IPO13: variants seen among roughly 807,000 people sequenced by gnomAD.
IPO13 encodes the protein importin-13.
In IPO13, 28 loss-of-function variants were observed where a neutral mutation model predicts 115.5. The observed-to-expected ratio is 0.24, with a 90% CI of 0.18 to 0.33. The LOEUF (loss-of-function observed/expected upper bound fraction) is 0.33. IPO13 is among the 10% of genes least tolerant of loss of function. The probability of loss-of-function intolerance (pLI) is 1.00; values close to 1 mark genes in which losing one functional copy is unlikely to be tolerated. For missense variants in IPO13, 785 were observed against 1,204.6 expected, an observed-to-expected ratio of 0.65 and a Z score of 5.16; for synonymous variants, 414 against 478.9, an observed-to-expected ratio of 0.86 and a Z score of 1.77.
rs1571765832 is a variant in IPO13 at position 43,956,190 on chromosome 1, CT to C, written c.822-123del. 20 of 1,064,440 alleles carry C rather than the reference CT, an allele frequency of 1.9e-5. No homozygotes were observed. The highest frequency in any genetic ancestry group is 5.1e-5 in the East Asian group (2 of 38,934). 65.9% of individuals were successfully genotyped at this position (1,064,440 alleles called of 1,614,324 possible). A position where few individuals can be genotyped will look rare whatever the true frequency, so the allele number is the denominator to read the frequency against. On this transcript the variant is annotated intron_variant, in intron 2 of 19. Coordinates refer to ENST00000372343, the MANE Select transcript of IPO13 (RefSeq NM_014652.4). The surrounding 1 kb of genome is among the most constrained non-coding windows in gnomAD (Gnocchi z 4.7). ...CAAATCTGCCATGTAGACCCTGACC[CT>C]TTTTTTGCTTAGGATTTGATAAGGG...
chr1:43,964,568 G>A (rs1243536249), intron 15 of IPO13, among the ~76,000 whole-genome samples: 1 of 152,168 alleles, frequency 6.6e-6, no homozygotes, highest in Non-Finnish European at 1.5e-5. Context: ...GAGGGAGCTG[G>A]GCTGGCATCG....
At position 43,954,245 on chromosome 1, in the gene IPO13, G is replaced by A. The variant is rs1220477794; in HGVS notation, c.822-2075G>A. On this transcript the variant is annotated intron_variant, in intron 2 of 19. Transcript: ENST00000372343. ...AAAATGCCCATTGTCTGGTGGTGCAGCCCGTGTCAGGGTCAGGAGACTGAA... is the reference window on the plus strand; with the variant it reads ...AAAATGCCCATTGTCTGGTGGTGCAACCCGTGTCAGGGTCAGGAGACTGAA... 5.3e-5 allele frequency among the ~76,000 whole-genome samples: 8 copies of A among 152,188 alleles called. 1 individual carries two copies. The highest frequency in any genetic ancestry group is 5.2e-4 in the Admixed American group (8 of 15,276).
chr1:43,949,296 C>A, intron 1 of IPO13, 121 bp from the exon 2 acceptor site: 1 of 1,068,992 alleles, frequency 9.4e-7, no homozygotes, highest in Non-Finnish European at 1.3e-6. Flanking sequence ...CTGAGCTCTC[C>A]CTGCTCAGCC....
Position 43,966,248 on chromosome 1 carries a change from T to C in IPO13, c.2398-327T>C. On this transcript the variant is annotated intron_variant, in intron 15 of 19. Transcript: ENST00000372343. The surrounding 1 kb of genome is among the most constrained non-coding windows in gnomAD (Gnocchi z 4.1). Reference sequence around the variant, plus strand: ...CAACATGAAGTCACTGCTGGCAACCTAGAGCCTGCGAGACATCTGGCCCTG... The same window carrying C: ...CAACATGAAGTCACTGCTGGCAACCCAGAGCCTGCGAGACATCTGGCCCTG... The C allele has an allele frequency of 2.2e-6, 1 of 454,528 alleles. No homozygotes were observed. Among genetic ancestry groups the C allele is most frequent in the South Asian group, 2.2e-5 (1 of 45,512 alleles). 28.2% of individuals were successfully genotyped at this position (454,528 alleles called of 1,614,324 possible). A position where few individuals can be genotyped will look rare whatever the true frequency, so the allele number is the denominator to read the frequency against.
Position 43,956,559 on chromosome 1 carries a change from G to A in IPO13, c.963-1G>A. Reference sequence around the variant, plus strand: ...GTAGAATGACCTGACTCTCTCCCCAGGGCCTTGCTGGACCAAGTAGAGCAC... The same window carrying A: ...GTAGAATGACCTGACTCTCTCCCCAAGGCCTTGCTGGACCAAGTAGAGCAC... On this transcript the variant is annotated splice_acceptor_variant, in intron 3 of 19. Transcript: ENST00000372343. LOFTEE classifies it high-confidence loss of function. The surrounding 1 kb of genome is among the most constrained non-coding windows in gnomAD (Gnocchi z 4.7). 6.2e-7 allele frequency: 1 copy of A among 1,614,226 alleles called. No homozygotes were observed. The highest frequency in any genetic ancestry group is 8.5e-7 in the Non-Finnish European group (1 of 1,180,030).
chr1:43,952,358 CG>C lies in IPO13; in HGVS notation c.821+2209del. Among the ~76,000 whole-genome samples the C allele has an allele frequency of 6.6e-6, 1 of 152,158 alleles. No homozygotes were observed. Among genetic ancestry groups the C allele is most frequent in the African/African-American group, 2.4e-5 (1 of 41,514 alleles). On this transcript the variant is annotated intron_variant, in intron 2 of 19. Transcript: ENST00000372343. This position sits in a 1 kb window ranked among gnomAD's most constrained non-coding sequence, Gnocchi z 4.7. ...CTAATTTTTGTATTTTTAGTAGAAA[CG>C]GGGTTTTGCCATGTTGGTCAGGCTG...
intron 5 of IPO13, 81 bp from the exon 6 acceptor site, chr1:43,957,114 A>T (rs540395103): frequency 1.4e-4 from 214 of 1,576,932 alleles, no homozygotes; most frequent in Non-Finnish European, 6.7e-5. Context: ...TTGTGGGGGT[A>T]CTGGGGTAGG....
In IPO13 at chr1:43,967,897, G is replaced by T; in HGVS notation, c.*215G>T. ...ACATCCTCTAGCTCCCAGGTTGGAAGAGATACTACTGTAGCCAAGCCACCT... is the reference window on the plus strand; with the variant it reads ...ACATCCTCTAGCTCCCAGGTTGGAATAGATACTACTGTAGCCAAGCCACCT... On this transcript the variant is annotated 3_prime_UTR_variant, in exon 20 of 20. Coordinates refer to ENST00000372343, the MANE Select transcript of IPO13 (RefSeq NM_014652.4). The surrounding 1 kb of genome is among the most constrained non-coding windows in gnomAD (Gnocchi z 6.1). The T allele has an allele frequency of 1.7e-6, 1 of 601,802 alleles. No homozygotes were observed. The highest frequency in any genetic ancestry group is 3.0e-6 in the Non-Finnish European group (1 of 337,886). 37.3% of individuals were successfully genotyped at this position (601,802 alleles called of 1,614,324 possible).
Position 43,961,001 on chromosome 1 carries a change from C to T in IPO13, c.2235C>T (p.Asp745=). The stretch of plus-strand genomic sequence containing the variant: ...CCATCCCCCAGGCCTCTGCTCTTGA[C>T]CTCACTCGACAGGTGGGCCTTCTGG... ...YSTIPQASAL[D]LTRQLVHIFA... The change falls in exon 13 of 20, where the codon GAC becomes GAT. Residue 745 remains aspartate (D), a synonymous_variant. Coordinates refer to ENST00000372343, the MANE Select transcript of IPO13 (RefSeq NM_014652.4). 1 of 1,614,182 alleles carries T rather than the reference C, an allele frequency of 6.2e-7. No homozygotes were observed. The highest frequency in any genetic ancestry group is 8.5e-7 in the Non-Finnish European group (1 of 1,180,008).
Position 43,961,144 on chromosome 1 carries a change from A to G in IPO13, c.2248-22A>G, listed in dbSNP as rs745319418. ...TGGTGAGACTGGGTCTCAGCTGACC[A>G]GCATTCCCTGCTTTCTCGTAGCTGG... On this transcript the variant is annotated intron_variant, in intron 13 of 19. Transcript: ENST00000372343. 71 of 1,611,866 alleles carry G rather than the reference A, an allele frequency of 4.4e-5. No individual in the cohort carries two copies. In the Admixed American group the frequency reaches 1.1e-3, roughly 26 times the overall value.
chr1:43,961,326 G>A (rs1329422256), intron 14 of IPO13, 64 bp downstream of exon 14: 1 of 1,363,908 alleles, frequency 7.3e-7, no homozygotes, highest in African/African-American at 1.4e-5. Flanking sequence ...CCCCAAATGG[G>A]GAGCCAAAGC....
chr1:43,964,377 T>C (rs374982037), intron 15 of IPO13, 56 bp downstream of exon 15: 9 of 1,373,558 alleles, frequency 6.6e-6, no homozygotes, highest in Non-Finnish European at 6.1e-6. Flanking sequence ...CTTTCTCTTA[T>C]GTTGAAATTC....
At position 43,966,399 on chromosome 1, in the gene IPO13, C is replaced by G. The variant is rs2085324873; in HGVS notation, c.2398-176C>G. 4.5e-6 allele frequency: 3 copies of G among 663,986 alleles called. No homozygotes were observed. The highest frequency in any genetic ancestry group is 8.2e-6 in the Non-Finnish European group (3 of 366,646). 41.1% of individuals were successfully genotyped at this position (663,986 alleles called of 1,614,324 possible). A position where few individuals can be genotyped will look rare whatever the true frequency, so the allele number is the denominator to read the frequency against. On this transcript the variant is annotated intron_variant, in intron 15 of 19. Transcript: ENST00000372343. This position sits in a 1 kb window ranked among gnomAD's most constrained non-coding sequence, Gnocchi z 4.1. ...ATGTACATAGCATCCCTTGAGCTGT[C>G]CTCACCTGACCTACTGAACTCTGAG...
In IPO13 at chr1:43,952,749, T is replaced by C. The variant is rs1227987328; in HGVS notation, c.821+2596T>C. ...AAAATATTGGGTTGATTTTAAAAAA[T>C]AAAAGATTGTTTCGGTATGAGGATT... On this transcript the variant is annotated intron_variant, in intron 2 of 19. Transcript: ENST00000372343. The surrounding 1 kb of genome is among the most constrained non-coding windows in gnomAD (Gnocchi z 4.7). Among the ~76,000 whole-genome samples, 1 of 152,204 alleles carries C rather than the reference T, an allele frequency of 6.6e-6. No individual in the cohort carries two copies. Among genetic ancestry groups the C allele is most frequent in the African/African-American group, 2.4e-5 (1 of 41,450 alleles).
At chr1:43,947,791 C>T (rs1047925437) in intron 1 of IPO13, 107 bp downstream of exon 1, 4 of 524,252 alleles carry the variant, frequency 7.6e-6, no homozygotes, top group South Asian at 8.8e-5. Flanking sequence ...GTATGGTGCC[C>T]CCAGAGCACC....
At position 43,967,810 on chromosome 1, in the gene IPO13, A is replaced by G. The variant is rs1380598352; in HGVS notation, c.*128A>G. 5.6e-6 allele frequency: 5 copies of G among 892,770 alleles called. No individual in the cohort carries two copies. The highest frequency in any genetic ancestry group is 2.1e-5 in the Admixed American group (1 of 48,170). 55.3% of individuals were successfully genotyped at this position (892,770 alleles called of 1,614,324 possible). ...ACCACCTAACTGAAAGCCTGGGTCC[A>G]GAAGGCCTGGGGGAAGGATGGGAGG... On this transcript the variant is annotated 3_prime_UTR_variant, in exon 20 of 20. Coordinates refer to ENST00000372343, the MANE Select transcript of IPO13 (RefSeq NM_014652.4). The surrounding 1 kb of genome is among the most constrained non-coding windows in gnomAD (Gnocchi z 6.1).
rs764619512 is a variant in IPO13 at position 43,960,908 on chromosome 1, G to C, written c.2142G>C (p.Lys714Asn). ...GCGCTATCTTTGAGAAGTCTGTTAAGACGCTGCTGGATGACTTTGCCCCCA... is the reference window on the plus strand; with the variant it reads ...GCGCTATCTTTGAGAAGTCTGTTAACACGCTGCTGGATGACTTTGCCCCCA... ...AVCAIFEKSV[K>N]TLLDDFAPMV... Residue 714 changes from lysine to asparagine, a missense_variant, in exon 13 of 20, where the codon AAG (lysine) becomes AAC (asparagine). By Grantham distance (94) the Lys-to-Asn change is moderately conservative (BLOSUM62 0). Transcript: ENST00000372343. 6.2e-7 allele frequency: 1 copy of C among 1,614,218 alleles called. No homozygotes were observed. Among genetic ancestry groups the C allele is most frequent in the South Asian group, 1.1e-5 (1 of 91,090 alleles).
At chr1:43,948,032 C>T (rs2085179604) in intron 1 of IPO13, among the ~76,000 whole-genome samples, 1 of 152,198 alleles carries the variant, frequency 6.6e-6, no homozygotes, top group Non-Finnish European at 1.5e-5. Context: ...AGCTCAGTCT[C>T]CTGGAATTAT....
At position 43,956,711 on chromosome 1, in the gene IPO13, T is replaced by G. The variant is rs1332975988; in HGVS notation, c.1104+10T>G. On this transcript the variant is annotated intron_variant, in intron 4 of 19. Transcript: ENST00000372343. The surrounding 1 kb of genome is among the most constrained non-coding windows in gnomAD (Gnocchi z 4.7). ...CTGGTACACACTGCAGGTGTGTCTG[T>G]GTGACCTCCAGTAGGACTGGGCTGT... The G allele has an allele frequency of 2.5e-6, 4 of 1,614,096 alleles. No homozygotes were observed. The African/African-American group carries it at 4.0e-5, about 16-fold the overall frequency.
Sources: allele counts gnomAD v4.1 joint callset (sites outside exome capture counted in the v4.1 genomes callset), GRCh38; gene constraint gnomAD v4.1.1; non-coding constraint Gnocchi (gnomAD v3.1); transcripts MANE v1.5; gene names NCBI Gene and HGNC (gene_info 2026-07-23, HGNC 2026-07-21).